Variants in ANO4 observed in about 807,000 individuals in gnomAD.
ANO4 encodes anoctamin-4.
A neutral mutation model predicts 141.9 loss-of-function variants in ANO4; 69 were observed. That is an observed-to-expected ratio of 0.49 (90% CI 0.40 to 0.59). The LOEUF is 0.59. Ranked by LOEUF, ANO4 falls within the 20% of genes least tolerant of loss-of-function variation. The probability of loss-of-function intolerance (pLI) is 0.00; values close to 1 mark genes in which losing one functional copy is unlikely to be tolerated. For synonymous variants in ANO4, 350 were observed against 394.3 expected, an observed-to-expected ratio of 0.89 and a Z score of 1.33; for missense variants, 894 against 1,162.2, an observed-to-expected ratio of 0.77 and a Z score of 3.36.
At chr12:100,940,560 A>G (rs1239472003) in intron 4 of ANO4, among the ~76,000 whole-genome samples, 1 of 152,254 alleles carries the variant, frequency 6.6e-6, no homozygotes, top group Non-Finnish European at 1.5e-5. Context: ...CTCTTAATGT[A>G]AAATCCAAAA....
At chr12:100,779,575 T>C (rs2033647724) in intron 3 of ANO4, among the ~76,000 whole-genome samples, 2 of 152,234 alleles carry the variant, frequency 1.3e-5, no homozygotes, top group Non-Finnish European at 2.9e-5. Context: ...TTTGCCTCAA[T>C]TGACACCATT....
At chr12:101,020,825 T>C (rs1028107213) in intron 9 of ANO4, among the ~76,000 whole-genome samples, 1 of 152,210 alleles carries the variant, frequency 6.6e-6, no homozygotes, top group African/African-American at 2.4e-5. Context: ...CAGATTATTA[T>C]ATATCAGGAA....
intron 1 of ANO4, among the ~76,000 whole-genome samples, chr12:100,815,055 G>A (rs929345021): frequency 6.6e-6 from 1 of 152,048 alleles, no homozygotes; most frequent in Admixed American, 6.6e-5. Flanking sequence ...GAGGGAATGG[G>A]GGAGAAACAG....
At chr12:101,012,312 T>C (rs1006493471) in intron 8 of ANO4, among the ~76,000 whole-genome samples, 3 of 152,018 alleles carry the variant, frequency 2.0e-5, no homozygotes, top group African/African-American at 7.2e-5. Flanking sequence ...TTTTTAAAAA[T>C]TTTAGGGAGT....
Position 101,126,930 on chromosome 12 carries a change from C to T in ANO4, c.2728C>T (p.Pro910Ser). 2 of 1,614,122 alleles carry T rather than the reference C, an allele frequency of 1.2e-6. No individual in the cohort carries two copies. The highest frequency in any genetic ancestry group is 1.1e-5 in the South Asian group (1 of 91,084). ...CATTTCATATCTGATCCCAGACCTC[C>T]CAAAAGACCTAAGGGATCGAATGAG... ...HLISYLIPDL[P>S]KDLRDRMRRE... Residue 910 changes from proline (P) to serine (S), a missense_variant, in exon 27 of 28, where the codon CCA (proline) becomes TCA (serine). Transcript: ENST00000392977.
intron 14 of ANO4, among the ~76,000 whole-genome samples, chr12:101,063,720 A>G (rs1281847210): frequency 8.9e-6 from 1 of 112,728 alleles, no homozygotes; most frequent in Admixed American, 9.8e-5. Context: ...TAGTCATTTA[A>G]TGGATGGAAG....
chr12:100,744,244 G>T (rs2032003066), intron 3 of ANO4, among the ~76,000 whole-genome samples: 2 of 152,130 alleles, frequency 1.3e-5, no homozygotes, highest in African/African-American at 4.8e-5. Flanking sequence ...TCTATTTAAT[G>T]CTGGCATAGT....
chr12:101,069,609 A>G (rs2136788575), intron 14 of ANO4, among the ~76,000 whole-genome samples: 1 of 152,324 alleles, frequency 6.6e-6, no homozygotes. Flanking sequence ...TGCCAGTTAC[A>G]GCAGGTGATT....
At chr12:100,912,309 C>T (rs563038382) in intron 2 of ANO4, among the ~76,000 whole-genome samples, 2 of 147,500 alleles carry the variant, frequency 1.4e-5, no homozygotes, top group East Asian at 2.1e-4. Context: ...GCAGGAGAAT[C>T]GCTTGAACCT....
intron 5 of ANO4, among the ~76,000 whole-genome samples, chr12:100,950,142 A>G (rs1017544382): frequency 1.3e-5 from 2 of 152,190 alleles, no homozygotes; most frequent in Non-Finnish European, 2.9e-5. Flanking sequence ...AGTTGAAAAC[A>G]TGATGATGAG....
intron 1 of ANO4, among the ~76,000 whole-genome samples, chr12:100,732,861 C>T (rs545201336): frequency 6.6e-6 from 1 of 152,288 alleles, no homozygotes; most frequent in Non-Finnish European, 1.5e-5. Flanking sequence ...GGTGAAAATG[C>T]TGATATGCAA....
chr12:100,781,536 A>G (rs893236035), intron 3 of ANO4, among the ~76,000 whole-genome samples: 1 of 152,182 alleles, frequency 6.6e-6, no homozygotes, highest in African/African-American at 2.4e-5. Context: ...TTAAGTCTGT[A>G]ATCATCCACC....
chr12:100,982,260 C>A (rs967406205), intron 7 of ANO4, among the ~76,000 whole-genome samples: 3 of 152,180 alleles, frequency 2.0e-5, no homozygotes, highest in Non-Finnish European at 2.9e-5. Flanking sequence ...ACATACCCAA[C>A]CAAAATCAAT....
intron 1 of ANO4, among the ~76,000 whole-genome samples, chr12:100,834,595 T>C (rs1444358029): frequency 2.0e-5 from 3 of 152,200 alleles, no homozygotes; most frequent in Middle Eastern, 3.4e-3. Context: ...TATATAGCAG[T>C]GTATACATAA....
At chr12:100,950,692 A>G (rs2042937288) in intron 5 of ANO4, among the ~76,000 whole-genome samples, 1 of 152,118 alleles carries the variant, frequency 6.6e-6, no homozygotes, top group Non-Finnish European at 1.5e-5. Context: ...TGCAGCACAG[A>G]GCTGGTCTAC....
At chr12:100,875,083 T>C (rs1276974593) in intron 1 of ANO4, among the ~76,000 whole-genome samples, 1 of 152,024 alleles carries the variant, frequency 6.6e-6, no homozygotes, top group Admixed American at 6.6e-5. Context: ...GAAGGGATGA[T>C]TGTATTTTGC....
At chr12:100,793,210 A>G (rs142309614), upstream of ANO4, among the ~76,000 whole-genome samples, 2 of 152,338 alleles carry the variant, frequency 1.3e-5, no homozygotes, top group Non-Finnish European at 2.9e-5. Flanking sequence ...TGCTGATTTG[A>G]GTTGAACTGA....
intron 8 of ANO4, among the ~76,000 whole-genome samples, chr12:100,990,557 A>G (rs550473595): frequency 1.1e-4 from 16 of 152,360 alleles, no homozygotes; most frequent in African/African-American, 2.9e-4. Context: ...GATTTATTCA[A>G]TAGTCACTAA....
chr12:100,751,817 A>G (rs1327865294), intron 3 of ANO4, among the ~76,000 whole-genome samples: 1 of 152,142 alleles, frequency 6.6e-6, no homozygotes, highest in Non-Finnish European at 1.5e-5. Context: ...AAAGGACACT[A>G]TTAGGGGGTG....
Sources: allele counts gnomAD v4.1 joint callset (sites outside exome capture counted in the v4.1 genomes callset), GRCh38; gene constraint gnomAD v4.1.1; transcripts MANE v1.5; gene names NCBI Gene and HGNC (gene_info 2026-07-23, HGNC 2026-07-21).